RABGAP1L: variants seen among roughly 807,000 people sequenced by gnomAD.
The protein encoded by RABGAP1L is RAB GTPase activating protein 1 like.
In RABGAP1L, 63 loss-of-function variants were observed where a neutral mutation model predicts 137.7. That is an observed-to-expected ratio of 0.46 (90% CI 0.37 to 0.56). The LOEUF (loss-of-function observed/expected upper bound fraction) is 0.56. Among genes scored for constraint, RABGAP1L ranks in the 20% least tolerant of loss-of-function variants. The pLI is 0.00. For synonymous variants in RABGAP1L, 431 were observed against 433.7 expected, an observed-to-expected ratio of 0.99 and a Z score of 0.08; for missense variants, 1,095 against 1,244.0, an observed-to-expected ratio of 0.88 and a Z score of 1.80.
intron 19 of RABGAP1L, among the ~76,000 whole-genome samples, chr1:174,904,181 C>T (rs1379884995): frequency 1.3e-5 from 2 of 152,040 alleles, no homozygotes; most frequent in African/African-American, 4.8e-5. Flanking sequence ...TGAGGAAAAT[C>T]TTTCCCCAAC....
chr1:174,540,453 G>C (rs979368731), intron 13 of RABGAP1L, among the ~76,000 whole-genome samples: 3 of 152,112 alleles, frequency 2.0e-5, no homozygotes, highest in Non-Finnish European at 2.9e-5. Flanking sequence ...TTTAATCCAT[G>C]TTGAATTAAT....
At chr1:174,875,415 T>G (rs1652920077) in intron 19 of RABGAP1L, 2 of 479,620 alleles carry the variant, frequency 4.2e-6, no homozygotes, top group Admixed American at 1.3e-4. Context: ...TAGGCGCTGC[T>G]GAACTGCGGT....
intron 19 of RABGAP1L, among the ~76,000 whole-genome samples, chr1:174,892,132 C>T (rs1330336004): frequency 5.3e-5 from 8 of 152,246 alleles, no homozygotes; most frequent in Non-Finnish European, 1.2e-4. Flanking sequence ...TTCCCTGGCT[C>T]CTGCAAGCAT....
chr1:174,173,649 GT>G (rs1009879378), intron 1 of RABGAP1L, among the ~76,000 whole-genome samples: 1 of 149,238 alleles, frequency 6.7e-6, no homozygotes, highest in Non-Finnish European at 1.5e-5. Flanking sequence ...ATTCTCTGTC[GT>G]TTTTTTTTCA....
intron 13 of RABGAP1L, among the ~76,000 whole-genome samples, chr1:174,578,371 A>G (rs1483851168): frequency 2.0e-5 from 3 of 152,062 alleles, no homozygotes; most frequent in South Asian, 4.2e-4. Context: ...TTTTTTATAG[A>G]GAGGAGATCT....
chr1:174,478,891 G>A (rs1658788391), intron 13 of RABGAP1L, among the ~76,000 whole-genome samples: 3 of 152,142 alleles, frequency 2.0e-5, no homozygotes, highest in Admixed American at 2.0e-4. Flanking sequence ...ACTGGCCTGA[G>A]TGTTTTTAAG....
chr1:174,551,524 G>A (rs1368342254), intron 13 of RABGAP1L, among the ~76,000 whole-genome samples: 1 of 152,090 alleles, frequency 6.6e-6, no homozygotes, highest in Non-Finnish European at 1.5e-5. Flanking sequence ...TGTGCTGACA[G>A]GGAAGTGTAC....
chr1:174,232,330 C>CA (rs1189174231), intron 4 of RABGAP1L, among the ~76,000 whole-genome samples: 1 of 150,898 alleles, frequency 6.6e-6, no homozygotes, highest in Non-Finnish European at 1.5e-5. Context: ...CAAAATAATA[C>CA]AAAAATTTGC....
At chr1:174,400,398 A>G (rs768088041) in intron 13 of RABGAP1L, among the ~76,000 whole-genome samples, 10 of 152,252 alleles carry the variant, frequency 6.6e-5, no homozygotes, top group South Asian at 4.1e-4. Context: ...AGCAAAGACC[A>G]CAACTGTATT....
intron 14 of RABGAP1L, among the ~76,000 whole-genome samples, chr1:174,657,707 C>T (rs1676067013): frequency 6.6e-6 from 1 of 152,150 alleles, no homozygotes; most frequent in Non-Finnish European, 1.5e-5. Context: ...TAAAGGAGTG[C>T]AGATATCCCT....
At chr1:174,375,205 A>G (rs949243686) in intron 12 of RABGAP1L, among the ~76,000 whole-genome samples, 11 of 152,034 alleles carry the variant, frequency 7.2e-5, no homozygotes, top group Admixed American at 3.3e-4. Flanking sequence ...AAAAAATATT[A>G]TGCTTTTCTT....
intron 17 of RABGAP1L, among the ~76,000 whole-genome samples, chr1:174,702,478 T>G (rs532251993): frequency 1.3e-4 from 20 of 152,266 alleles, no homozygotes; most frequent in Admixed American, 3.9e-4. Flanking sequence ...CAAAGTAAAA[T>G]GGGTGATTAA....
intron 14 of RABGAP1L, among the ~76,000 whole-genome samples, chr1:174,654,625 A>AT (rs201722437): frequency 1.3e-5 from 2 of 151,916 alleles, no homozygotes; most frequent in African/African-American, 4.8e-5. Context: ...GGACATTACA[A>AT]TTTTTTTAAA....
rs571865679 is a variant in RABGAP1L, at chr1:174,389,797, A to G, written c.1560-4198A>G. 5.3e-5 allele frequency among the ~76,000 whole-genome samples: 8 copies of G among 152,232 alleles called. No homozygotes were observed. In the South Asian group the frequency reaches 6.2e-4, roughly 12 times the overall value. ...AGTAAAGAAGACAAAGATTCTTGCCATTGTGGAGTTTCTATTCATGCATTA... is the reference window on the plus strand; with the variant it reads ...AGTAAAGAAGACAAAGATTCTTGCCGTTGTGGAGTTTCTATTCATGCATTA... On this transcript the variant is annotated intron_variant, in intron 12 of 25. Coordinates refer to ENST00000681986, the MANE Select transcript of RABGAP1L (RefSeq NM_001366446.1).
At chr1:174,841,540 T>G (rs1693398668) in intron 19 of RABGAP1L, among the ~76,000 whole-genome samples, 1 of 151,632 alleles carries the variant, frequency 6.6e-6, no homozygotes, top group South Asian at 2.1e-4. Flanking sequence ...AAATTATCAA[T>G]AAACATAAAA....
chr1:174,613,374 A>C (rs1287030414), intron 13 of RABGAP1L, among the ~76,000 whole-genome samples: 7 of 151,970 alleles, frequency 4.6e-5, no homozygotes, highest in Non-Finnish European at 8.8e-5. Context: ...ATTTTGAGTG[A>C]GTTTCTTAAT....
At chr1:174,790,322 A>T (rs549724391) in intron 18 of RABGAP1L, among the ~76,000 whole-genome samples, 22 of 152,310 alleles carry the variant, frequency 1.4e-4, no homozygotes, top group African/African-American at 4.8e-4. Context: ...AGATAAAGAT[A>T]GTAAGAGAGA....
chr1:174,596,610 T>G (rs1392982826), intron 13 of RABGAP1L, among the ~76,000 whole-genome samples: 1 of 152,234 alleles, frequency 6.6e-6, no homozygotes, highest in East Asian at 1.9e-4. Flanking sequence ...TCTAATAATT[T>G]CTTGATTAAG....
intron 18 of RABGAP1L, among the ~76,000 whole-genome samples, chr1:174,790,272 T>C (rs1687749858): frequency 6.6e-6 from 1 of 151,766 alleles, no homozygotes; most frequent in Admixed American, 6.6e-5. Context: ...GTGATAAATG[T>C]CATAAAAGAA....
Sources: gnomAD v4.1 joint callset for allele counts (sites outside exome capture counted in the v4.1 genomes callset) on GRCh38, gnomAD v4.1.1 for gene constraint, MANE v1.5 for transcripts, NCBI Gene and HGNC (gene_info 2026-07-23, HGNC 2026-07-21) for gene names.